ATP8A2: variants seen among roughly 807,000 people sequenced by gnomAD.
ATP8A2 encodes phospholipid-transporting ATPase IB.
A neutral mutation model predicts 165.6 loss-of-function variants in ATP8A2; 100 were observed. The ratio of observed to expected loss-of-function variants is 0.60; its 90% CI spans 0.51 to 0.71. ATP8A2 has a LOEUF of 0.71. Among genes scored for constraint, ATP8A2 ranks in the 30% least tolerant of loss-of-function variants. The pLI is 0.00. For missense variants in ATP8A2, 1,227 were observed against 1,479.5 expected, an observed-to-expected ratio of 0.83 and a Z score of 2.80; for synonymous variants, 543 against 548.8, an observed-to-expected ratio of 0.99 and a Z score of 0.15.
intron 15 of ATP8A2, among the ~76,000 whole-genome samples, chr13:25,562,877 C>T (rs975399563): frequency 1.3e-5 from 2 of 152,096 alleles, no homozygotes; most frequent in Admixed American, 6.6e-5. Context: ...GCTGAATGTT[C>T]CTCAAGTGGA....
intron 34 of ATP8A2, among the ~76,000 whole-genome samples, chr13:25,963,998 T>C (rs1309001761): frequency 6.6e-6 from 1 of 152,226 alleles, no homozygotes; most frequent in Non-Finnish European, 1.5e-5. Flanking sequence ...GGTCAGAGCA[T>C]AAACCCGGGC....
intron 33 of ATP8A2, among the ~76,000 whole-genome samples, chr13:25,869,739 C>T (rs559653437): frequency 1.3e-5 from 2 of 152,236 alleles, no homozygotes; most frequent in East Asian, 1.9e-4. Context: ...GCTTCTTCAG[C>T]GCCCCGCTGC....
At chr13:25,855,274 C>T (rs1593455083) in intron 30 of ATP8A2, among the ~76,000 whole-genome samples, 1 of 151,268 alleles carries the variant, frequency 6.6e-6, no homozygotes, top group Non-Finnish European at 1.5e-5. Context: ...AAAAGAGTCA[C>T]TCCCCATTTC....
chr13:25,961,504 T>G (rs1955659334), intron 33 of ATP8A2, 71 bp from the exon 34 acceptor site: 1 of 1,241,758 alleles, frequency 8.1e-7, no homozygotes. Flanking sequence ...AATATTATCC[T>G]TGATTACATT....
chr13:25,593,198 A>T (rs7997021), intron 24 of ATP8A2, among the ~76,000 whole-genome samples: 124,279 of 151,568 alleles, frequency 0.82, 51,678 homozygotes, highest in Non-Finnish European at 0.9. Flanking sequence ...CCAGGTTGAG[A>T]ATTTAAGTCT....
intron 33 of ATP8A2, among the ~76,000 whole-genome samples, chr13:25,895,569 C>G (rs1457093210): frequency 6.6e-6 from 1 of 151,642 alleles, no homozygotes; most frequent in African/African-American, 2.4e-5. Context: ...GGGAGGATTC[C>G]CTCTTTTTCT....
intron 25 of ATP8A2, among the ~76,000 whole-genome samples, chr13:25,760,652 A>G (rs940810971): frequency 2.0e-5 from 3 of 152,174 alleles, no homozygotes; most frequent in East Asian, 1.9e-4. Context: ...ACTTCCTATC[A>G]TTATTAAATA....
At chr13:25,422,069 T>C (rs1361434781) in intron 1 of ATP8A2, among the ~76,000 whole-genome samples, 1 of 152,184 alleles carries the variant, frequency 6.6e-6, no homozygotes, top group African/African-American at 2.4e-5. Flanking sequence ...GGTGTAGGGC[T>C]CAAACCCTGA....
intron 33 of ATP8A2, among the ~76,000 whole-genome samples, chr13:25,904,082 G>T (rs941888954): frequency 1.3e-5 from 2 of 152,076 alleles, no homozygotes; most frequent in Non-Finnish European, 2.9e-5. Context: ...TATTTGCATT[G>T]GACTTACCAG....
At chr13:26,004,840 A>G (rs1956708228) in intron 35 of ATP8A2, among the ~76,000 whole-genome samples, 1 of 152,024 alleles carries the variant, frequency 6.6e-6, no homozygotes, top group African/African-American at 2.4e-5. Flanking sequence ...CAAATCCCAC[A>G]TGACCATGGT....
intron 1 of ATP8A2, among the ~76,000 whole-genome samples, chr13:25,461,244 G>C (rs540792683): frequency 6.6e-6 from 1 of 152,194 alleles, no homozygotes; most frequent in Non-Finnish European, 1.5e-5. Context: ...TTTGTGCAAA[G>C]GAGGGTCTTG....
intron 24 of ATP8A2, among the ~76,000 whole-genome samples, chr13:25,616,329 T>TTC (rs1555231327): frequency 6.0e-5 from 7 of 116,260 alleles, no homozygotes; most frequent in Non-Finnish European, 9.6e-5. Flanking sequence ...TTTCTTTCTT[T>TTC]TTTTTTTTTT....
intron 1 of ATP8A2, among the ~76,000 whole-genome samples, chr13:25,442,148 A>G (rs893918644): frequency 6.6e-6 from 1 of 152,148 alleles, no homozygotes; most frequent in Non-Finnish European, 1.5e-5. Context: ...GGATAAGCAA[A>G]CCAACTTGGG....
chr13:25,867,248 A>G (rs1254256572), intron 33 of ATP8A2, among the ~76,000 whole-genome samples: 1 of 151,834 alleles, frequency 6.6e-6, no homozygotes, highest in Non-Finnish European at 1.5e-5. Flanking sequence ...AAGTAAACAG[A>G]GGGAGGAATG....
intron 1 of ATP8A2, among the ~76,000 whole-genome samples, chr13:25,467,583 C>CG (rs2137512286): frequency 6.7e-6 from 1 of 148,502 alleles, no homozygotes; most frequent in East Asian, 2.0e-4. Context: ...AGACGAGTCT[C>CG]CTTGTCGCCC....
intron 24 of ATP8A2, among the ~76,000 whole-genome samples, chr13:25,594,406 G>A (rs4238193): frequency 0.83 from 125,963 of 152,030 alleles, 53,162 homozygotes; most frequent in African/African-American, 0.91. Context: ...CAGGATTTAT[G>A]TGTGTGTGTG....
chr13:25,413,725 G>A (rs536442783), intron 1 of ATP8A2, among the ~76,000 whole-genome samples: 3 of 152,186 alleles, frequency 2.0e-5, no homozygotes, highest in African/African-American at 7.2e-5. Flanking sequence ...AGTTACCAGC[G>A]ATTTAGAGGC....
intron 25 of ATP8A2, among the ~76,000 whole-genome samples, chr13:25,700,491 T>C (rs567641593): frequency 2.0e-5 from 3 of 152,356 alleles, no homozygotes; most frequent in Admixed American, 2.0e-4. Flanking sequence ...AATTAGCCTG[T>C]TCTTTTTCTG....
intron 19 of ATP8A2, among the ~76,000 whole-genome samples, chr13:25,575,955 A>G (rs1369317177): frequency 1.3e-5 from 2 of 152,202 alleles, no homozygotes; most frequent in African/African-American, 4.8e-5. Flanking sequence ...ATTAAAATGT[A>G]TATATGGGAG....
Sources: allele counts gnomAD v4.1 joint callset (sites outside exome capture counted in the v4.1 genomes callset), GRCh38; gene constraint gnomAD v4.1.1; transcripts MANE v1.5; gene names NCBI Gene and HGNC (gene_info 2026-07-23, HGNC 2026-07-21).